The following EXOC4 variants were observed in gnomAD, a reference collection of about 807,000 sequenced individuals.
EXOC4 encodes SEC8-like 1.
Under a neutral mutation model 107.2 loss-of-function variants are expected in EXOC4, and 71 were observed. The observed-to-expected ratio is 0.66, with a 90% CI of 0.55 to 0.81. The LOEUF (loss-of-function observed/expected upper bound fraction) is 0.81. Ranked by LOEUF, EXOC4 falls within the 30% of genes least tolerant of loss-of-function variation. The probability of loss-of-function intolerance (pLI) is 0.00; values close to 1 mark genes in which losing one functional copy is unlikely to be tolerated. For missense variants in EXOC4, 1,108 were observed against 1,189.6 expected, an observed-to-expected ratio of 0.93 and a Z score of 1.01; for synonymous variants, 456 against 441.2, an observed-to-expected ratio of 1.03 and a Z score of -0.42.
At chr7:133,825,290 A>T (rs1228306391) in intron 11 of EXOC4, among the ~76,000 whole-genome samples, 1 of 152,112 alleles carries the variant, frequency 6.6e-6, no homozygotes, top group Admixed American at 6.6e-5. Flanking sequence ...ACTTAAGCTC[A>T]GGAGTTTCAG....
intron 10 of EXOC4, among the ~76,000 whole-genome samples, chr7:133,735,250 A>AAAG (rs1562976033): frequency 1.4e-5 from 2 of 148,096 alleles, no homozygotes; most frequent in Non-Finnish European, 3.0e-5. Flanking sequence ...AAAAAAAAAA[A>AAAG]AAGTTAAAGT....
chr7:133,602,561 A>G (rs1473957430), intron 9 of EXOC4, among the ~76,000 whole-genome samples: 1 of 152,244 alleles, frequency 6.6e-6, no homozygotes, highest in Non-Finnish European at 1.5e-5. Flanking sequence ...CACGGGGTCT[A>G]GGGTTTCTGA....
chr7:133,630,286 G>A (rs1802558773), intron 10 of EXOC4, 145 bp downstream of exon 10: 1 of 604,752 alleles, frequency 1.7e-6, no homozygotes, highest in Non-Finnish European at 2.9e-6. Flanking sequence ...ATTAAAGTTA[G>A]TCAGTTTAGC....
chr7:134,030,397 A>G (rs188324060), intron 17 of EXOC4, among the ~76,000 whole-genome samples: 2 of 152,344 alleles, frequency 1.3e-5, no homozygotes, highest in Non-Finnish European at 2.9e-5. Flanking sequence ...TTATGTGGCC[A>G]TAGTGGACTT....
At chr7:133,596,156 A>G (rs879679848) in intron 9 of EXOC4, among the ~76,000 whole-genome samples, 6 of 152,176 alleles carry the variant, frequency 3.9e-5, no homozygotes, top group Non-Finnish European at 8.8e-5. Context: ...TGGTGTCTCA[A>G]TCCTTGACCT....
At chr7:133,375,899 A>T (rs1159084729) in intron 7 of EXOC4, among the ~76,000 whole-genome samples, 1 of 152,228 alleles carries the variant, frequency 6.6e-6, no homozygotes, top group East Asian at 1.9e-4. Context: ...ATTTAGCCAG[A>T]TGGAAATTAG....
At chr7:134,077,342 C>A in the EXOC4 span, among the ~76,000 whole-genome samples, 1 of 152,196 alleles carries the variant, frequency 6.6e-6, no homozygotes, top group African/African-American at 2.4e-5. Flanking sequence ...TTGGATGATG[C>A]TTACCCACAT....
chr7:133,338,618 AAAAAAT>A (rs1245246450), intron 5 of EXOC4, among the ~76,000 whole-genome samples: 3 of 149,334 alleles, frequency 2.0e-5, no homozygotes, highest in African/African-American at 4.9e-5. Flanking sequence ...AAAAAAAAAA[AAAAAAT>A]TTTTATTTCA....
chr7:133,982,861 G>T (rs1322218850), intron 14 of EXOC4, among the ~76,000 whole-genome samples: 4 of 152,186 alleles, frequency 2.6e-5, no homozygotes, highest in Non-Finnish European at 5.9e-5. Flanking sequence ...GTACTTACCT[G>T]CTGGTTTCAG....
At chr7:133,462,399 G>A (rs749977423) in intron 7 of EXOC4, among the ~76,000 whole-genome samples, 8 of 152,156 alleles carry the variant, frequency 5.3e-5, no homozygotes, top group Non-Finnish European at 1.2e-4. Flanking sequence ...GAAGATAGAG[G>A]CACATAGTTG....
intron 9 of EXOC4, among the ~76,000 whole-genome samples, chr7:133,581,364 C>T (rs1304556205): frequency 2.0e-5 from 3 of 152,156 alleles, no homozygotes; most frequent in East Asian, 1.9e-4. Context: ...TTGCTTGCCA[C>T]GGGTGTACAG....
chr7:133,546,240 A>T (rs1800478172), intron 9 of EXOC4, among the ~76,000 whole-genome samples: 1 of 147,146 alleles, frequency 6.8e-6, no homozygotes, highest in Admixed American at 7.0e-5. Flanking sequence ...CCCTTTTTAT[A>T]ATAGCTGGAA....
chr7:133,486,434 A>G (rs564172615), intron 9 of EXOC4, among the ~76,000 whole-genome samples: 37 of 152,120 alleles, frequency 2.4e-4, no homozygotes, highest in Non-Finnish European at 4.0e-4. Context: ...GGTCACTTTG[A>G]TTGAAGTGAG....
chr7:133,757,205 C>T (rs992680466), intron 10 of EXOC4, among the ~76,000 whole-genome samples: 4 of 151,952 alleles, frequency 2.6e-5, no homozygotes, highest in African/African-American at 4.8e-5. Flanking sequence ...CTTTAAAATG[C>T]GATTATAGTG....
chr7:133,663,152 T>C (rs1793735775), intron 10 of EXOC4, among the ~76,000 whole-genome samples: 2 of 152,156 alleles, frequency 1.3e-5, no homozygotes, highest in African/African-American at 4.8e-5. Context: ...ATCTATAGTA[T>C]TTGATGTGGC....
At chr7:133,278,327 CA>C (rs1223669817) in intron 2 of EXOC4, among the ~76,000 whole-genome samples, 2 of 152,128 alleles carry the variant, frequency 1.3e-5, no homozygotes, top group African/African-American at 4.8e-5. Flanking sequence ...AAATTCTAAT[CA>C]GGGGAGACAG....
intron 9 of EXOC4, among the ~76,000 whole-genome samples, chr7:133,614,542 C>T (rs1314227260): frequency 6.6e-6 from 1 of 151,974 alleles, no homozygotes; most frequent in East Asian, 1.9e-4. Flanking sequence ...ACCTTTAAGG[C>T]TCATTGCACA....
intron 17 of EXOC4, among the ~76,000 whole-genome samples, chr7:134,061,373 C>T (rs997009327): frequency 1.3e-5 from 2 of 152,118 alleles, no homozygotes; most frequent in Admixed American, 1.3e-4. Flanking sequence ...CGTTTAGGTC[C>T]TTGGTTGAAG....
intron 7 of EXOC4, among the ~76,000 whole-genome samples, chr7:133,387,594 T>G (rs1796756435): frequency 6.6e-6 from 1 of 151,948 alleles, no homozygotes. Flanking sequence ...AAGAAGGGGG[T>G]TTTCTAGGTT....
Sources: allele counts gnomAD v4.1 joint callset (sites outside exome capture counted in the v4.1 genomes callset), GRCh38; gene constraint gnomAD v4.1.1; transcripts MANE v1.5; gene names NCBI Gene and HGNC (gene_info 2026-07-23, HGNC 2026-07-21).